Variants in DENND5B observed in about 807,000 individuals in gnomAD.
The protein encoded by DENND5B is DENN domain-containing protein 5B.
In DENND5B, 34 loss-of-function variants were observed where a neutral mutation model predicts 140.6. The ratio of observed to expected loss-of-function variants is 0.24; its 90% CI spans 0.18 to 0.32. The LOEUF (loss-of-function observed/expected upper bound fraction) is 0.32. Ranked by LOEUF, DENND5B falls within the 10% of genes least tolerant of loss-of-function variation. DENND5B has a pLI of 1.00. For missense variants in DENND5B, 1,142 were observed against 1,560.2 expected, an observed-to-expected ratio of 0.73 and a Z score of 4.52; for synonymous variants, 551 against 562.1, an observed-to-expected ratio of 0.98 and a Z score of 0.28.
intron 13 of DENND5B, among the ~76,000 whole-genome samples, chr12:31,410,641 G>C (rs1462971289): frequency 6.6e-6 from 1 of 152,212 alleles, no homozygotes; most frequent in Middle Eastern, 3.4e-3. Flanking sequence ...CCAGGCTCAA[G>C]CAATCCTCCC....
chr12:31,432,835 G>C (rs1207750546), intron 8 of DENND5B: 1 of 234,496 alleles, frequency 4.3e-6, no homozygotes, highest in Non-Finnish European at 8.2e-6. Flanking sequence ...ACTTAGAAAT[G>C]TCTAGGCTTC....
intron 1 of DENND5B, among the ~76,000 whole-genome samples, chr12:31,549,136 G>A (rs1272661964): frequency 2.0e-5 from 3 of 152,140 alleles, no homozygotes; most frequent in Non-Finnish European, 4.4e-5. Flanking sequence ...CTGGCTTCAG[G>A]TGATCCTTCC....
intron 11 of DENND5B, among the ~76,000 whole-genome samples, chr12:31,420,901 T>C (rs570297986): frequency 2.2e-4 from 34 of 152,362 alleles, no homozygotes; most frequent in Non-Finnish European, 4.1e-4. Context: ...CTACCCACTA[T>C]GGTCCCTATC....
At chr12:31,392,458 G>A (rs746741488) in intron 18 of DENND5B, 65 bp from the exon 19 acceptor site, 7 of 1,594,240 alleles carry the variant, frequency 4.4e-6, no homozygotes, top group Non-Finnish European at 6.0e-6. Context: ...AAAAACACTA[G>A]AGAAGCAAGT....
At chr12:31,454,811 T>C (rs1944693992) in intron 4 of DENND5B, among the ~76,000 whole-genome samples, 1 of 115,034 alleles carries the variant, frequency 8.7e-6, no homozygotes, top group African/African-American at 3.4e-5. Flanking sequence ...TGATTCAGTA[T>C]CTTTTTTTTT....
chr12:31,509,041 G>A (rs1378295212), intron 1 of DENND5B, among the ~76,000 whole-genome samples: 1 of 152,100 alleles, frequency 6.6e-6, no homozygotes, highest in Non-Finnish European at 1.5e-5. Flanking sequence ...GTGAGGTGAA[G>A]GGAGCAGAAT....
At chr12:31,505,285 CT>C in intron 1 of DENND5B, among the ~76,000 whole-genome samples, 1 of 146,628 alleles carries the variant, frequency 6.8e-6, no homozygotes, top group African/African-American at 2.5e-5. Context: ...GTCACCCAGG[CT>C]AGAGTGTGAC....
intron 1 of DENND5B, chr12:31,500,459 T>A: frequency 2.3e-6 from 1 of 440,714 alleles, no homozygotes; most frequent in Non-Finnish European, 4.5e-6. Flanking sequence ...GCAGGTGAAT[T>A]GCTTGAGGTC....
intron 2 of DENND5B, among the ~76,000 whole-genome samples, chr12:31,492,527 C>T (rs983474218): frequency 6.6e-6 from 1 of 152,084 alleles, no homozygotes; most frequent in East Asian, 1.9e-4. Flanking sequence ...AGAGACAGGG[C>T]CTCCCTATGT....
intron 1 of DENND5B, among the ~76,000 whole-genome samples, chr12:31,528,230 T>A (rs191416613): frequency 6.6e-6 from 1 of 152,346 alleles, no homozygotes; most frequent in East Asian, 1.9e-4. Context: ...GGAAAATTCA[T>A]TTCTTGTTTC....
chr12:31,479,673 C>T lies in DENND5B; in HGVS notation c.820G>A (p.Ala274Thr). ...LPLSDYPLRE[A>T]FELLGLENLV... ...TTCTCTAATCCCAGGAGCTCAAATG[C>T]CTCCCGAAGGGGGTAATCAGAGAGG... is the stretch of plus-strand genomic sequence containing the variant. The change falls in exon 3 of 21, where the codon GCA (alanine) becomes ACA (threonine). Residue 274 changes from alanine to threonine, a missense_variant. Around this residue, in one of 5 missense-constraint regions of DENND5B, gnomAD observed 708 missense variants for 905.5 expected, o/e 0.78. Transcript: ENST00000389082. 1.3e-6 allele frequency: 2 copies of T among 1,578,674 alleles called. No homozygotes were observed. The highest frequency in any genetic ancestry group is 1.7e-6 in the Non-Finnish European group (2 of 1,162,858).
At chr12:31,422,750 C>A (rs988990283) in intron 11 of DENND5B, among the ~76,000 whole-genome samples, 3 of 152,062 alleles carry the variant, frequency 2.0e-5, no homozygotes, top group Non-Finnish European at 4.4e-5. Context: ...TAAAGAAAAG[C>A]ATGTGTTGTT....
chr12:31,427,546 C>A (rs545357130), intron 8 of DENND5B, among the ~76,000 whole-genome samples: 1 of 150,694 alleles, frequency 6.6e-6, no homozygotes, highest in African/African-American at 2.4e-5. Context: ...GCGGAGATTG[C>A]AGTGAGTGGA....
intron 1 of DENND5B, among the ~76,000 whole-genome samples, chr12:31,504,078 T>A (rs1947106173): frequency 1.3e-5 from 2 of 152,212 alleles, no homozygotes; most frequent in Admixed American, 1.3e-4. Flanking sequence ...TCAGTTTAAA[T>A]AATTCAGAGA....
At chr12:31,460,477 T>G in intron 3 of DENND5B, 96 bp from the exon 4 acceptor site, 1 of 1,210,350 alleles carries the variant, frequency 8.3e-7, no homozygotes, top group Non-Finnish European at 1.1e-6. Context: ...AAAAAATTTC[T>G]GCGTTAAAAG....
chr12:31,479,373 T>G (rs1945967039), intron 3 of DENND5B, among the ~76,000 whole-genome samples: 1 of 152,364 alleles, frequency 6.6e-6, no homozygotes, highest in East Asian at 1.9e-4. Flanking sequence ...TTAACACTTG[T>G]GTTCCTTCCT....
In DENND5B at chr12:31,421,101, C is replaced by T. The variant is rs149860607; in HGVS notation, c.2470+2496G>A. On this transcript the variant is annotated intron_variant, in intron 11 of 20. Transcript: ENST00000389082. ...CTTCATTGCCCAGGCTGGAGTACAG[C>T]GGAGCAGTCTTGGCTCAATGCAACC... 1.2e-4 allele frequency among the ~76,000 whole-genome samples: 19 copies of T among 152,122 alleles called. No homozygotes were observed. The East Asian group carries it at 1.4e-3, about 11-fold the overall frequency.
At chr12:31,389,668 A>G (rs922516216) in intron 19 of DENND5B, among the ~76,000 whole-genome samples, 170 bp from the exon 20 acceptor site, 1 of 152,222 alleles carries the variant, frequency 6.6e-6, no homozygotes, top group Non-Finnish European at 1.5e-5. Context: ...TTCATGGTAG[A>G]ACAATAAATA....
chr12:31,405,597 G>T (rs1942084470), intron 14 of DENND5B, among the ~76,000 whole-genome samples: 1 of 152,118 alleles, frequency 6.6e-6, no homozygotes, highest in Non-Finnish European at 1.5e-5. Context: ...TCCCAGGCTG[G>T]AGTGCAGTGG....
Sources: gnomAD v4.1 joint callset for allele counts (sites outside exome capture counted in the v4.1 genomes callset) on GRCh38, gnomAD v4.1.1 for gene constraint, gnomAD v4.1.1 regional missense constraint, MANE v1.5 for transcripts, NCBI Gene and HGNC (gene_info 2026-07-23, HGNC 2026-07-21) for gene names.